The following GPC5 variants were observed in gnomAD, a reference collection of about 807,000 sequenced individuals.
GPC5 encodes glypican 5.
A neutral mutation model predicts 53.9 loss-of-function variants in GPC5; 47 were observed. The ratio of observed to expected loss-of-function variants is 0.87; its 90% CI spans 0.69 to 1.11. The LOEUF (loss-of-function observed/expected upper bound fraction) is 1.11. Among genes scored for constraint, GPC5 ranks in the 50% most tolerant of loss-of-function variants. GPC5 has a pLI of 0.00. For synonymous variants in GPC5, 286 were observed against 263.3 expected (o/e 1.09, Z -0.84); for missense variants, 748 against 713.1 (o/e 1.05, Z -0.56).
rs905193217 is a variant in GPC5, at chr13:92,846,399, A to G, written c.1562-19883A>G. Among the ~76,000 whole-genome samples the G allele has an allele frequency of 2.6e-5, 4 of 152,320 alleles. No homozygotes were observed. In the East Asian group the frequency reaches 7.7e-4, roughly 29 times the overall value. On this transcript the variant is annotated intron_variant, in intron 7 of 7. Transcript: ENST00000377067. The stretch of plus-strand genomic sequence containing the variant: ...TTACATAGAAAGACACTGTACCAAG[A>G]TAATACTTTAGTAAAGTATAGATTT...
intron 7 of GPC5, among the ~76,000 whole-genome samples, chr13:92,467,237 G>A (rs1348978255): frequency 1.3e-5 from 2 of 152,116 alleles, no homozygotes; most frequent in Admixed American, 1.3e-4. Flanking sequence ...TTTTCAGACA[G>A]TGTTGGTGTC....
intron 7 of GPC5, among the ~76,000 whole-genome samples, chr13:92,632,485 T>TATATATATATATATACAC (rs138355646): frequency 7.3e-6 from 1 of 137,652 alleles, no homozygotes; most frequent in African/African-American, 2.7e-5. Context: ...TATATATATA[T>TATATATATATATATACAC]ACACATATAT....
chr13:91,819,083 T>C lies in GPC5; in HGVS notation c.1280+62663T>C, dbSNP rs2038447000. 3.3e-5 allele frequency among the ~76,000 whole-genome samples: 5 copies of C among 151,724 alleles called. No individual in the cohort carries two copies. In the South Asian group the frequency reaches 1.0e-3, roughly 32 times the overall value. ...TATTGCCAGACTGCAAACTCCTGTT[T>C]GCTGTCAGATGTAAGCAATATCCTG... is the stretch of plus-strand genomic sequence containing the variant. On this transcript the variant is annotated intron_variant, in intron 5 of 7. Transcript: ENST00000377067.
At chr13:91,991,134 A>G (rs1056573127) in intron 6 of GPC5, among the ~76,000 whole-genome samples, 4 of 152,224 alleles carry the variant, frequency 2.6e-5, no homozygotes, top group African/African-American at 9.7e-5. Context: ...AGACACAACT[A>G]TGATGATCGT....
intron 7 of GPC5, among the ~76,000 whole-genome samples, chr13:92,387,128 T>G (rs1874764247): frequency 6.6e-6 from 1 of 152,082 alleles, no homozygotes; most frequent in Non-Finnish European, 1.5e-5. Flanking sequence ...GTTTTTTGAC[T>G]TTATGATGGT....
intron 7 of GPC5, among the ~76,000 whole-genome samples, chr13:92,463,552 C>G (rs1440560279): frequency 6.6e-6 from 1 of 152,158 alleles, no homozygotes; most frequent in Non-Finnish European, 1.5e-5. Flanking sequence ...TAGGATAAAG[C>G]TGCTGTGATC....
At chr13:92,656,257 T>C (rs1229424691) in intron 7 of GPC5, among the ~76,000 whole-genome samples, 1 of 152,110 alleles carries the variant, frequency 6.6e-6, no homozygotes, top group African/African-American at 2.4e-5. Flanking sequence ...TAGTTGACAT[T>C]GTGAGAAAAA....
intron 2 of GPC5, among the ~76,000 whole-genome samples, chr13:91,509,864 A>T (rs1885146402): frequency 6.6e-6 from 1 of 152,162 alleles, no homozygotes; most frequent in Non-Finnish European, 1.5e-5. Flanking sequence ...TACTCTTTAG[A>T]TATAAAATGA....
At chr13:92,157,200 CTT>C (rs1303019196) in intron 7 of GPC5, among the ~76,000 whole-genome samples, 24 of 152,016 alleles carry the variant, frequency 1.6e-4, no homozygotes, top group African/African-American at 5.8e-4. Context: ...TGGTAAATAT[CTT>C]TGTGTATATG....
intron 6 of GPC5, among the ~76,000 whole-genome samples, chr13:92,136,337 A>G (rs1459237169): frequency 6.6e-6 from 1 of 152,170 alleles, no homozygotes; most frequent in Non-Finnish European, 1.5e-5. Flanking sequence ...ATTCACATAT[A>G]TTTATAATTG....
chr13:91,657,056 ACTC>A (rs1438234166), intron 2 of GPC5, among the ~76,000 whole-genome samples: 11 of 151,968 alleles, frequency 7.2e-5, no homozygotes, highest in Non-Finnish European at 8.8e-5. Context: ...ATACTCTTGT[ACTC>A]CTCCTGCAGG....
intron 7 of GPC5, among the ~76,000 whole-genome samples, chr13:92,250,075 G>A (rs1467855719): frequency 2.0e-5 from 3 of 151,822 alleles, no homozygotes; most frequent in African/African-American, 4.8e-5. Flanking sequence ...ATTTTTGTTT[G>A]TCTCACAACT....
intron 5 of GPC5, among the ~76,000 whole-genome samples, chr13:91,871,056 G>C (rs1391593619): frequency 1.3e-5 from 2 of 152,166 alleles, no homozygotes. Flanking sequence ...TTTTAGCCTT[G>C]TGGATACTGA....
At chr13:92,649,005 G>T (rs993173409) in intron 7 of GPC5, among the ~76,000 whole-genome samples, 3 of 152,074 alleles carry the variant, frequency 2.0e-5, no homozygotes, top group Non-Finnish European at 4.4e-5. Context: ...GTTTCCTTCT[G>T]CCTTCGTGTA....
chr13:91,693,206 C>T lies in GPC5; in HGVS notation c.345C>T (p.Ile115=). 1 of 1,613,076 alleles carries T rather than the reference C, an allele frequency of 6.2e-7. No individual in the cohort carries two copies. Among genetic ancestry groups the T allele is most frequent in the Non-Finnish European group, 8.5e-7 (1 of 1,179,456 alleles). The stretch of plus-strand genomic sequence containing the variant: ...TTACAGAAACCCTTGAAACTCTCAT[C>T]AAACAAGCAGAAAATTACACCAGTA... The part of the protein sequence containing the change: ...AAFQETLETL[I]KQAENYTSIL... The change falls in exon 3 of 8, where the codon ATC becomes ATT. Residue 115 remains isoleucine (I), a synonymous_variant. Coordinates refer to ENST00000377067, the MANE Select transcript of GPC5 (RefSeq NM_004466.6).
chr13:92,125,953 TTTTTTTTTTTTTTTTTTTTTG>T (rs2041693236), intron 6 of GPC5, among the ~76,000 whole-genome samples: 4 of 54,382 alleles, frequency 7.4e-5, no homozygotes, highest in Admixed American at 2.5e-4. Flanking sequence ...TTTTTTTTTT[TTTTTTTTTTTTTTTTTTTTTG>T]AGATGAGTCT....
chr13:92,332,944 T>G, intron 7 of GPC5, among the ~76,000 whole-genome samples: 1 of 152,190 alleles, frequency 6.6e-6, no homozygotes, highest in East Asian at 1.9e-4. Context: ...TAAGTCAACT[T>G]TTATTAGATC....
rs181886772 is a variant in GPC5 at position 92,560,494 on chromosome 13, G to A, written c.1562-305788G>A. 7.9e-5 allele frequency among the ~76,000 whole-genome samples: 12 copies of A among 152,148 alleles called. No individual in the cohort carries two copies. In the East Asian group the frequency reaches 2.3e-3, roughly 30 times the overall value. On this transcript the variant is annotated intron_variant, in intron 7 of 7. Transcript: ENST00000377067. Reference sequence around the variant, plus strand: ...TGCAGCAGAAACAGTTAAGGTTTGTGATTGGCTGTCACATTAATGTTTGCA... The same window carrying A: ...TGCAGCAGAAACAGTTAAGGTTTGTAATTGGCTGTCACATTAATGTTTGCA...
chr13:92,009,108 G>A (rs924255732), intron 6 of GPC5, among the ~76,000 whole-genome samples: 2 of 151,836 alleles, frequency 1.3e-5, no homozygotes, highest in African/African-American at 4.8e-5. Context: ...TTATTTTATA[G>A]CATTATCTCT....
Sources: allele counts gnomAD v4.1 joint callset (sites outside exome capture counted in the v4.1 genomes callset), GRCh38; gene constraint gnomAD v4.1.1; transcripts MANE v1.5; gene names NCBI Gene and HGNC (gene_info 2026-07-23, HGNC 2026-07-21).